The following PTPRD variants were observed in gnomAD, a reference collection of about 807,000 sequenced individuals.
PTPRD encodes protein tyrosine phosphatase receptor type D, also known as receptor-type tyrosine-protein phosphatase delta.
PTPRD carries 34 observed loss-of-function variants against 214.5 expected under a neutral mutation model. The observed-to-expected ratio is 0.16, with a 90% CI of 0.12 to 0.21. The LOEUF is 0.21. Among genes scored for constraint, PTPRD ranks in the 10% least tolerant of loss-of-function variants. The pLI, the probability that PTPRD is intolerant of heterozygous loss-of-function variation, is 1.00. For missense variants in PTPRD, 2,545 were observed against 2,398.7 expected, an observed-to-expected ratio of 1.06 and a Z score of -1.27; for synonymous variants, 1,128 against 845.7, an observed-to-expected ratio of 1.33 and a Z score of -5.79.
At chr9:9,519,555 C>T (rs2096916113) in intron 8 of PTPRD, among the ~76,000 whole-genome samples, 1 of 151,822 alleles carries the variant, frequency 6.6e-6, no homozygotes, top group South Asian at 2.1e-4. Context: ...ACAAAAGGAT[C>T]GTATGAACAA....
At chr9:10,169,899 G>C (rs1275081253) in intron 3 of PTPRD, among the ~76,000 whole-genome samples, 1 of 152,168 alleles carries the variant, frequency 6.6e-6, no homozygotes, top group African/African-American at 2.4e-5. Flanking sequence ...CAAAATATTA[G>C]ATTTAGTTTA....
chr9:8,434,325 T>G (rs542863148), intron 35 of PTPRD, among the ~76,000 whole-genome samples: 5 of 152,186 alleles, frequency 3.3e-5, no homozygotes, highest in Non-Finnish European at 7.3e-5. Flanking sequence ...TTTTCTTTGT[T>G]TAAACACACA....
intron 11 of PTPRD, among the ~76,000 whole-genome samples, chr9:9,007,094 T>C (rs2099475470): frequency 6.6e-6 from 1 of 152,000 alleles, no homozygotes; most frequent in East Asian, 1.9e-4. Flanking sequence ...ATTAAAATAC[T>C]GTGTGTGCTC....
chr9:10,511,168 A>G (rs1396510045), intron 2 of PTPRD, among the ~76,000 whole-genome samples: 4 of 152,142 alleles, frequency 2.6e-5, no homozygotes, highest in Non-Finnish European at 4.4e-5. Flanking sequence ...TACTCATTTC[A>G]TAGTCGAAGT....
intron 14 of PTPRD, among the ~76,000 whole-genome samples, chr9:8,627,444 TG>T (rs1390341808): frequency 6.6e-6 from 1 of 151,890 alleles, no homozygotes; most frequent in Non-Finnish European, 1.5e-5. Context: ...AACATTTCTA[TG>T]GTTCGGTTAA....
intron 8 of PTPRD, among the ~76,000 whole-genome samples, chr9:9,535,928 G>A (rs73407019): frequency 0.019 from 2,907 of 152,028 alleles, 87 homozygotes; most frequent in African/African-American, 0.063. Flanking sequence ...TATAAGATTC[G>A]CTATTTGAAT....
At chr9:8,933,236 A>C (rs952606482) in intron 11 of PTPRD, among the ~76,000 whole-genome samples, 9 of 151,432 alleles carry the variant, frequency 5.9e-5, no homozygotes, top group African/African-American at 2.2e-4. Flanking sequence ...AGCAGGGTAC[A>C]TCAGTTGGAA....
At chr9:8,851,173 C>G (rs1276740944) in intron 11 of PTPRD, among the ~76,000 whole-genome samples, 1 of 148,822 alleles carries the variant, frequency 6.7e-6, no homozygotes, top group African/African-American at 2.5e-5. Context: ...AAAGTCTAAG[C>G]AGCTTTCTAA....
chr9:9,958,661 T>G (rs2094137323), intron 4 of PTPRD, among the ~76,000 whole-genome samples: 1 of 152,100 alleles, frequency 6.6e-6, no homozygotes. Flanking sequence ...GCCAAAAAAC[T>G]TTTATCCAAA....
At chr9:9,273,225 T>C (rs2132959375) in intron 9 of PTPRD, among the ~76,000 whole-genome samples, 1 of 151,306 alleles carries the variant, frequency 6.6e-6, no homozygotes, top group African/African-American at 2.4e-5. Flanking sequence ...TCTTATTGAG[T>C]TTTTGAGACC....
In PTPRD at chr9:8,486,076, G is replaced by A; in HGVS notation, c.2741C>T (p.Pro914Leu). Reference protein sequence around the residue: ...GEEMVKEISIPEEVPTGFPQN... With the variant: ...GEEMVKEISILEEVPTGFPQN... ...AGGGAATCCAGTTGGTACTTCTTCT[G>A]GAATGGAAATCTCCTTCACCATCTC... The change falls in exon 28 of 46, where the codon CCA (proline) becomes CTA (leucine). Residue 914 changes from proline to leucine, a missense_variant. Transcript: ENST00000381196. 6.2e-7 allele frequency: 1 copy of A among 1,614,172 alleles called. No individual in the cohort carries two copies. The highest frequency in any genetic ancestry group is 1.1e-5 in the South Asian group (1 of 91,084).
chr9:10,537,214 T>A (rs920179848), intron 2 of PTPRD, among the ~76,000 whole-genome samples: 2 of 152,200 alleles, frequency 1.3e-5, no homozygotes, highest in Non-Finnish European at 2.9e-5. Context: ...GTGAAAGAAA[T>A]GATTTAAAAA....
chr9:8,660,138 G>A (rs1029276827), intron 12 of PTPRD, among the ~76,000 whole-genome samples: 7 of 152,088 alleles, frequency 4.6e-5, no homozygotes, highest in African/African-American at 1.4e-4. Flanking sequence ...ACCCACCTCA[G>A]TTTCCCCAAA....
chr9:8,797,573 T>C (rs2096466511), intron 11 of PTPRD, among the ~76,000 whole-genome samples: 1 of 152,212 alleles, frequency 6.6e-6, no homozygotes, highest in Non-Finnish European at 1.5e-5. Context: ...ATCTTGCTTA[T>C]CAAACATCCC....
intron 8 of PTPRD, among the ~76,000 whole-genome samples, chr9:9,419,574 T>C (rs751245776): frequency 2.6e-5 from 4 of 151,802 alleles, no homozygotes; most frequent in Admixed American, 6.6e-5. Context: ...AATATGTATA[T>C]TGTTTATAAA....
At chr9:9,997,880 C>G (rs2096183065) in intron 4 of PTPRD, among the ~76,000 whole-genome samples, 1 of 151,622 alleles carries the variant, frequency 6.6e-6, no homozygotes, top group Non-Finnish European at 1.5e-5. Flanking sequence ...ATGTGCAGGA[C>G]TACATGACAG....
At chr9:10,046,494 T>C (rs2097399056) in intron 3 of PTPRD, among the ~76,000 whole-genome samples, 1 of 151,848 alleles carries the variant, frequency 6.6e-6, no homozygotes, top group African/African-American at 2.4e-5. Context: ...CAAAATTCCC[T>C]ACATTGATTT....
chr9:9,577,474 G>A (rs2089275090), intron 7 of PTPRD, among the ~76,000 whole-genome samples: 2 of 151,972 alleles, frequency 1.3e-5, no homozygotes, highest in Non-Finnish European at 1.5e-5. Flanking sequence ...TTAGAAAGAA[G>A]GATCGCTTGA....
intron 14 of PTPRD, among the ~76,000 whole-genome samples, chr9:8,620,385 G>A (rs1168787864): frequency 6.6e-6 from 1 of 152,018 alleles, no homozygotes; most frequent in African/African-American, 2.4e-5. Context: ...TGGAGAATCA[G>A]TTCAGAAATT....
Sources: gnomAD v4.1 joint callset for allele counts (sites outside exome capture counted in the v4.1 genomes callset) on GRCh38, gnomAD v4.1.1 for gene constraint, MANE v1.5 for transcripts, NCBI Gene and HGNC (gene_info 2026-07-23, HGNC 2026-07-21) for gene names.